IL1RAPL1: variants seen among roughly 807,000 people sequenced by gnomAD.
IL1RAPL1 encodes the protein interleukin 1 receptor accessory protein like 1.
IL1RAPL1 carries 3 observed loss-of-function variants against 48.4 expected under a neutral mutation model. The observed-to-expected ratio is 0.06, with a 90% CI of 0.03 to 0.16. The LOEUF is 0.16. Ranked by LOEUF, IL1RAPL1 falls within the 10% of genes least tolerant of loss-of-function variation. IL1RAPL1 has a pLI of 1.00. For synonymous variants in IL1RAPL1, 185 were observed against 187.7 expected (o/e 0.99, Z 0.12); for missense variants, 349 against 530.6 (o/e 0.66, Z 3.36).
At position 29,133,542 on chromosome X, in the gene IL1RAPL1, CAAAAATTG is replaced by C. The variant is rs1454052664; in HGVS notation, c.83-149395_83-149388del. Among the ~76,000 whole-genome samples the C allele has an allele frequency of 2.7e-5, 3 of 111,384 alleles. No individual in the cohort carries two copies. In the East Asian group the frequency reaches 8.4e-4, roughly 31 times the overall value. Reference sequence around the variant, plus strand: ...ATTTTAGAGCTGTTCTGAGTTTATACAAAAATTGCACCAAAAGTACAGAGAGTTCCTAT... The same window carrying C: ...ATTTTAGAGCTGTTCTGAGTTTATACCACCAAAAGTACAGAGAGTTCCTAT... On this transcript the variant is annotated intron_variant, in intron 2 of 10. Transcript: ENST00000378993.
At chrX:29,429,420 A>G (rs1294007886) in intron 5 of IL1RAPL1, among the ~76,000 whole-genome samples, 1 of 112,317 alleles carries the variant, frequency 8.9e-6, no homozygotes, top group African/African-American at 3.2e-5. Context: ...CATTTGAGAA[A>G]AACCTTGTTA....
intron 6 of IL1RAPL1, among the ~76,000 whole-genome samples, chrX:29,743,743 A>G (rs1200955638): frequency 8.9e-6 from 1 of 111,983 alleles, no homozygotes; most frequent in African/African-American, 3.2e-5. Context: ...TTGGCCTCCC[A>G]AAGTGCTAGG....
chrX:29,296,184 C>G (rs1324070262), intron 3 of IL1RAPL1, among the ~76,000 whole-genome samples: 1 of 111,664 alleles, frequency 9.0e-6, no homozygotes, highest in Non-Finnish European at 1.9e-5. Context: ...TGAAGCAAGC[C>G]TGGACATCGC....
At chrX:29,506,432 TCTCCTTCTC>T (rs1434519178) in intron 5 of IL1RAPL1, among the ~76,000 whole-genome samples, 45 of 21,542 alleles carry the variant, frequency 2.1e-3, no homozygotes, top group African/African-American at 5.6e-3. Context: ...TTCTTCTCCT[TCTCCTTCTC>T]CTCCTCCTCC....
At chrX:28,905,543 A>G (rs1234735340) in intron 2 of IL1RAPL1, among the ~76,000 whole-genome samples, 1 of 111,877 alleles carries the variant, frequency 8.9e-6, no homozygotes, top group African/African-American at 3.2e-5. Flanking sequence ...GAATGGTGAG[A>G]TTCAGAACAG....
chrX:29,926,562 C>T (rs1290323681), intron 8 of IL1RAPL1, among the ~76,000 whole-genome samples: 2 of 112,138 alleles, frequency 1.8e-5, no homozygotes, highest in Non-Finnish European at 3.8e-5. Context: ...AAGTACCAAA[C>T]CCACTTAGTA....
chrX:28,954,335 A>G (rs1225057666), intron 2 of IL1RAPL1, among the ~76,000 whole-genome samples: 1 of 111,057 alleles, frequency 9.0e-6, no homozygotes, highest in African/African-American at 3.3e-5. Context: ...GCTCTGCTCC[A>G]TTTTTATTGC....
intron 6 of IL1RAPL1, among the ~76,000 whole-genome samples, chrX:29,865,193 CTG>C (rs1601857175): frequency 1.8e-5 from 2 of 111,970 alleles, no homozygotes; most frequent in African/African-American, 3.2e-5. Flanking sequence ...CTATTGCACT[CTG>C]TGAAAATTCC....
At chrX:29,486,333 A>G (rs7885029) in intron 5 of IL1RAPL1, among the ~76,000 whole-genome samples, 5,570 of 109,755 alleles carry the variant, frequency 0.051, 377 homozygotes, top group African/African-American at 0.17. Context: ...TCATTGCCAT[A>G]GAATTAGAAG....
intron 6 of IL1RAPL1, among the ~76,000 whole-genome samples, chrX:29,718,284 G>A (rs1213364170): frequency 4.5e-5 from 5 of 110,687 alleles, no homozygotes; most frequent in Non-Finnish European, 9.5e-5. Flanking sequence ...TATAAAAAAG[G>A]ATGGGTTCAT....
chrX:29,513,917 A>G (rs1318970235), intron 5 of IL1RAPL1, among the ~76,000 whole-genome samples: 1 of 111,932 alleles, frequency 8.9e-6, no homozygotes, highest in Non-Finnish European at 1.9e-5. Flanking sequence ...AAAGATGACA[A>G]ACTTTTTTAG....
intron 2 of IL1RAPL1, among the ~76,000 whole-genome samples, chrX:28,915,483 A>G (rs1923466392): frequency 8.9e-6 from 1 of 112,103 alleles, no homozygotes; most frequent in Non-Finnish European, 1.9e-5. Flanking sequence ...GCTTAAAAAT[A>G]ACGTTTATTG....
chrX:28,712,155 T>C (rs1292983337), intron 1 of IL1RAPL1, among the ~76,000 whole-genome samples: 3 of 110,939 alleles, frequency 2.7e-5, no homozygotes, highest in Admixed American at 1.9e-4. Context: ...AGCAAGAGTG[T>C]GTACAGCTCC....
At chrX:28,695,110 A>G (rs984727022) in intron 1 of IL1RAPL1, among the ~76,000 whole-genome samples, 5 of 111,925 alleles carry the variant, frequency 4.5e-5, no homozygotes, top group Non-Finnish European at 9.4e-5. Flanking sequence ...GTTCCTGCTT[A>G]TAACACAAAA....
chrX:28,636,872 G>C (rs1002236514), intron 1 of IL1RAPL1, among the ~76,000 whole-genome samples: 1 of 111,513 alleles, frequency 9.0e-6, no homozygotes, highest in Non-Finnish European at 1.9e-5. Context: ...AGGTGAATAC[G>C]CTTAACTAAG....
At chrX:28,888,856 A>G (rs1922706230) in intron 2 of IL1RAPL1, among the ~76,000 whole-genome samples, 1 of 110,589 alleles carries the variant, frequency 9.0e-6, no homozygotes, top group Non-Finnish European at 1.9e-5. Context: ...TTATGATATC[A>G]TTGAAAGGAA....
chrX:29,138,070 G>C (rs1929167454), intron 2 of IL1RAPL1, among the ~76,000 whole-genome samples: 1 of 112,084 alleles, frequency 8.9e-6, no homozygotes, highest in Admixed American at 9.5e-5. Flanking sequence ...TTAAATACCT[G>C]TTTTACTTCA....
At chrX:29,544,326 C>CA (rs1285116096) in intron 5 of IL1RAPL1, among the ~76,000 whole-genome samples, 21 of 112,235 alleles carry the variant, frequency 1.9e-4, no homozygotes, top group Middle Eastern at 4.6e-3. Flanking sequence ...TCGACTTATT[C>CA]ATGTTGATTG....
intron 9 of IL1RAPL1, among the ~76,000 whole-genome samples, chrX:29,954,235 CAAAAAAAAAAAAA>C (rs34345826): frequency 1.3e-3 from 41 of 30,430 alleles, no homozygotes; most frequent in South Asian, 0.01. Context: ...GACTGTGTCC[CAAAAAAAAAAAAA>C]AAAAAAAAAA....
Sources: allele counts gnomAD v4.1 joint callset (sites outside exome capture counted in the v4.1 genomes callset), GRCh38; gene constraint gnomAD v4.1.1; transcripts MANE v1.5; gene names NCBI Gene and HGNC (gene_info 2026-07-23, HGNC 2026-07-21).